SLC9A8: variants seen among roughly 807,000 people sequenced by gnomAD.
SLC9A8 encodes solute carrier family 9 member A8.
Under a neutral mutation model 66.6 loss-of-function variants are expected in SLC9A8, and 48 were observed. That is an observed-to-expected ratio of 0.72 (90% CI 0.57 to 0.92). The LOEUF (loss-of-function observed/expected upper bound fraction) is 0.92, where lower values mean the gene tolerates loss of function less well. Among genes scored for constraint, SLC9A8 ranks in the 40% least tolerant of loss-of-function variants. SLC9A8 has a pLI of 0.00. For missense variants in SLC9A8, 599 were observed against 747.3 expected (o/e 0.80, Z 2.31); for synonymous variants, 274 against 282.6 (o/e 0.97, Z 0.31).
At chr20:49,829,876 T>C (rs1419639117) in intron 3 of SLC9A8, 3 of 568,460 alleles carry the variant, frequency 5.3e-6, no homozygotes, top group Non-Finnish European at 1.1e-5. Flanking sequence ...AGGGGGTGTC[T>C]TCGGGCTCTT....
In SLC9A8 at chr20:49,815,089, G is replaced by C; in HGVS notation, c.108G>C (p.Pro36=). The C allele has an allele frequency of 6.2e-7, 1 of 1,608,402 alleles. No homozygotes were observed. Among genetic ancestry groups the C allele is most frequent in the East Asian group, 2.3e-5 (1 of 44,340 alleles). The change falls in exon 2 of 16, where the codon CCG becomes CCC. Residue 36 remains proline (P), a synonymous_variant. Coordinates refer to ENST00000361573, the MANE Select transcript of SLC9A8 (RefSeq NM_015266.3). ...TTGTCACGACGAAACTGGTGCTCCC[G>C]ACCCCTGGCAAGCCCATCCTCCCCG... is the stretch of plus-strand genomic sequence containing the variant. ...TLVVTTKLVL[P]TPGKPILPVQ...
intron 3 of SLC9A8, chr20:49,831,059 G>A (rs191847545): frequency 1.1e-4 from 77 of 708,152 alleles, no homozygotes; most frequent in Non-Finnish European, 1.8e-4. Flanking sequence ...CAATATGTCC[G>A]CTGTGTCCTG....
At chr20:49,871,170 T>C (rs1265409150) in intron 10 of SLC9A8, among the ~76,000 whole-genome samples, 6 of 152,216 alleles carry the variant, frequency 3.9e-5, no homozygotes, top group African/African-American at 1.4e-4. Context: ...ATATGTTTAT[T>C]ATTGAGTAAT....
intron 8 of SLC9A8, among the ~76,000 whole-genome samples, chr20:49,855,875 C>T (rs2088458173): frequency 6.6e-6 from 1 of 152,158 alleles, no homozygotes; most frequent in Non-Finnish European, 1.5e-5. Context: ...ACTGCAGCTT[C>T]AACCTCCTGG....
chr20:49,885,200 T>G (rs1396348122), intron 14 of SLC9A8, among the ~76,000 whole-genome samples: 1 of 152,218 alleles, frequency 6.6e-6, no homozygotes, highest in East Asian at 1.9e-4. Context: ...CTTTTTTGTT[T>G]TTCACAAAAG....
chr20:49,862,798 G>T, intron 8 of SLC9A8, 131 bp from the exon 9 acceptor site: 1 of 770,664 alleles, frequency 1.3e-6, no homozygotes, highest in Non-Finnish European at 2.0e-6. Context: ...ATAAACGTTT[G>T]GCTGACTGAA....
intron 3 of SLC9A8, among the ~76,000 whole-genome samples, chr20:49,832,752 G>T (rs1033328220): frequency 2.7e-5 from 4 of 150,168 alleles, no homozygotes; most frequent in Non-Finnish European, 5.9e-5. Flanking sequence ...CACAAAGCCT[G>T]TTCTAGTCTT....
rs2090004831 is a variant in SLC9A8 at position 49,889,952 on chromosome 20, GC to G, written c.*2021del. The G allele has an allele frequency of 1.3e-5, 2 of 152,192 alleles. No individual in the cohort carries two copies. The highest frequency in any genetic ancestry group is 4.8e-5 in the African/African-American group (2 of 41,442). The allele number at this position is 152,192 out of a possible 1,614,324, so 9.4% of individuals were successfully genotyped here. ...AAAGAGTCAGATCCCATTTCCGTCT[GC>G]CCCCTCGTCACCAGGTGTGATAGCC... On this transcript the variant is annotated 3_prime_UTR_variant, in exon 16 of 16. Transcript: ENST00000361573.
intron 15 of SLC9A8, 55 bp from the exon 16 acceptor site, chr20:49,887,774 C>A (rs1413701649): frequency 2.9e-6 from 4 of 1,402,738 alleles, no homozygotes; most frequent in South Asian, 2.6e-5. Flanking sequence ...CATCCCCTCC[C>A]TTCCATGGCC....
chr20:49,855,489 C>G lies in SLC9A8; in HGVS notation c.621C>G (p.Ala207=), dbSNP rs1437603199. Residue 207 remains alanine, a synonymous_variant, in exon 8 of 16, where the codon GCC becomes GCG. Transcript: ENST00000361573. ...CTGTCGATCCAGTGGCCACTATTGC[C>G]ATTTTCAATGCACTTCATGTGGACC... ...ISAVDPVATI[A]IFNALHVDPV... 1.2e-6 allele frequency: 2 copies of G among 1,614,200 alleles called. No homozygotes were observed. The highest frequency in any genetic ancestry group is 1.1e-5 in the South Asian group (1 of 91,084).
At chr20:49,879,749 C>T (rs1016096187) in intron 12 of SLC9A8, among the ~76,000 whole-genome samples, 4 of 151,590 alleles carry the variant, frequency 2.6e-5, no homozygotes, top group Non-Finnish European at 5.9e-5. Context: ...TGCTTGAACC[C>T]GGGAGGCAGA....
chr20:49,851,135 C>T (rs572777073), intron 7 of SLC9A8, among the ~76,000 whole-genome samples: 6 of 152,292 alleles, frequency 3.9e-5, no homozygotes, highest in Non-Finnish European at 8.8e-5. Context: ...TGTGTGCACG[C>T]GTACACTGTA....
intron 5 of SLC9A8, 120 bp from the exon 6 acceptor site, chr20:49,849,457 TTG>T: frequency 1.4e-6 from 1 of 708,524 alleles, no homozygotes; most frequent in African/African-American, 1.8e-5. Flanking sequence ...GCCACACAGG[TTG>T]GGCAGTGGTG....
chr20:49,877,385 T>C (rs1192775224), intron 11 of SLC9A8, among the ~76,000 whole-genome samples: 1 of 152,082 alleles, frequency 6.6e-6, no homozygotes, highest in Non-Finnish European at 1.5e-5. Context: ...TGTTAGAAAT[T>C]TATAAGGTGC....
intron 13 of SLC9A8, among the ~76,000 whole-genome samples, chr20:49,882,875 T>C (rs1328911792): frequency 6.6e-6 from 1 of 152,184 alleles, no homozygotes; most frequent in East Asian, 1.9e-4. Flanking sequence ...ATGTGCCCTT[T>C]GCTCTTGCCC....
In SLC9A8 at chr20:49,880,987, C is replaced by A. The variant is rs751719406; in HGVS notation, c.1222C>A (p.Arg408=). Reference sequence around the variant, plus strand: ...TCTTTCCTACCTCCTGAATTTCTTCCGGGATCATAAAATCACACCGAAGAT... The same window carrying A: ...TCTTTCCTACCTCCTGAATTTCTTCAGGGATCATAAAATCACACCGAAGAT... ...FPLSYLLNFF[R]DHKITPKMMF... The change falls in exon 13 of 16, where the codon CGG becomes AGG. Residue 408 remains arginine, a synonymous_variant. Coordinates refer to ENST00000361573, the MANE Select transcript of SLC9A8 (RefSeq NM_015266.3). The A allele has an allele frequency of 6.2e-7, 1 of 1,613,880 alleles. No individual in the cohort carries two copies. Among genetic ancestry groups the A allele is most frequent in the Non-Finnish European group, 8.5e-7 (1 of 1,179,798 alleles).
intron 3 of SLC9A8, among the ~76,000 whole-genome samples, chr20:49,834,395 T>C (rs111951202): frequency 6.5e-5 from 5 of 76,876 alleles, no homozygotes; most frequent in Admixed American, 1.3e-4. Flanking sequence ...TGTGTATATA[T>C]ATATACTGTG....
intron 2 of SLC9A8, among the ~76,000 whole-genome samples, chr20:49,817,395 A>G (rs1325069418): frequency 2.0e-5 from 3 of 151,626 alleles, no homozygotes; most frequent in Non-Finnish European, 2.9e-5. Flanking sequence ...TTCTTTAATG[A>G]TACCAAAGTC....
chr20:49,834,185 C>CTCTCTCTCTCTCTCTCTCTA (rs1475975068), intron 3 of SLC9A8, among the ~76,000 whole-genome samples: 2 of 34,530 alleles, frequency 5.8e-5, no homozygotes, highest in African/African-American at 2.3e-4. Context: ...CTCTCTCTCT[C>CTCTCTCTCTCTCTCTCTCTA]TATATATATA....
Sources: allele counts gnomAD v4.1 joint callset (sites outside exome capture counted in the v4.1 genomes callset), GRCh38; gene constraint gnomAD v4.1.1; transcripts MANE v1.5; gene names NCBI Gene and HGNC (gene_info 2026-07-23, HGNC 2026-07-21).